Variants in KCNMA1 observed in about 807,000 individuals in gnomAD.
KCNMA1 encodes potassium calcium-activated channel subfamily M alpha 1.
KCNMA1 carries 29 observed loss-of-function variants against 140.0 expected under a neutral mutation model. That is an observed-to-expected ratio of 0.21 (90% CI 0.15 to 0.28). KCNMA1 has a LOEUF of 0.28. Ranked by LOEUF, KCNMA1 falls within the 10% of genes least tolerant of loss-of-function variation. KCNMA1 has a pLI of 1.00. For missense variants in KCNMA1, 880 were observed against 1,602.2 expected, an observed-to-expected ratio of 0.55 and a Z score of 7.70; for synonymous variants, 612 against 611.9, an observed-to-expected ratio of 1.00 and a Z score of 0.00.
intron 25 of KCNMA1, among the ~76,000 whole-genome samples, chr10:76,907,925 C>T (rs1008712398): frequency 3.3e-5 from 5 of 152,096 alleles, no homozygotes; most frequent in Non-Finnish European, 5.9e-5. Flanking sequence ...AATTATGTAG[C>T]CAGTCCTGCT....
chr10:77,529,422 G>C (rs1334818992), intron 1 of KCNMA1, among the ~76,000 whole-genome samples: 3 of 151,864 alleles, frequency 2.0e-5, no homozygotes, highest in African/African-American at 7.3e-5. Flanking sequence ...CCCTTGTTAA[G>C]ATCTCCTCCT....
At chr10:76,891,466 T>C (rs2040040641) in intron 26 of KCNMA1, 59 bp downstream of exon 26, 1 of 1,385,966 alleles carries the variant, frequency 7.2e-7, no homozygotes, top group East Asian at 2.3e-5. Flanking sequence ...TACCACGTTC[T>C]TCAGGATCAA....
rs180903163 is a variant in KCNMA1 at position 77,157,880 on chromosome 10, G to A, written c.808+25541C>T. ...TGAGCTCTGTCCTCTGGTCACCTGC[G>A]CCACCAACACCCTGACAAGGTCCTC... On this transcript the variant is annotated intron_variant, in intron 5 of 27. Coordinates refer to ENST00000286628, the MANE Select transcript of KCNMA1 (RefSeq NM_001161352.2). Among the ~76,000 whole-genome samples the A allele has an allele frequency of 2.4e-3, 363 of 152,260 alleles. 8 individuals carry two copies. The highest frequency in any genetic ancestry group is 0.022 in the Admixed American group (337 of 15,300).
chr10:77,533,793 A>C (rs999819701), intron 1 of KCNMA1, among the ~76,000 whole-genome samples: 2 of 152,222 alleles, frequency 1.3e-5, no homozygotes, highest in African/African-American at 4.8e-5. Context: ...CAGAAATATC[A>C]GAAGGATGAA....
At chr10:77,472,383 A>C (rs1567030744) in intron 1 of KCNMA1, among the ~76,000 whole-genome samples, 1 of 150,196 alleles carries the variant, frequency 6.7e-6, no homozygotes. Context: ...CACACACACT[A>C]TACAAACATC....
chr10:77,357,384 T>C (rs750275593), intron 2 of KCNMA1, among the ~76,000 whole-genome samples: 1 of 152,336 alleles, frequency 6.6e-6, no homozygotes, highest in Non-Finnish European at 1.5e-5. Context: ...TGGTAGAGAA[T>C]AACATAGTCA....
chr10:77,258,975 A>G (rs2061408456), intron 2 of KCNMA1, among the ~76,000 whole-genome samples: 1 of 151,544 alleles, frequency 6.6e-6, no homozygotes, highest in Non-Finnish European at 1.5e-5. Context: ...AAAAATATAT[A>G]TATAATATAT....
intron 5 of KCNMA1, among the ~76,000 whole-genome samples, chr10:77,141,241 T>G (rs1368543776): frequency 6.6e-6 from 1 of 152,154 alleles, no homozygotes; most frequent in Non-Finnish European, 1.5e-5. Context: ...TCCCATTGTT[T>G]TCAGCATCTT....
At chr10:77,118,413 C>T (rs1429177498) in intron 6 of KCNMA1, among the ~76,000 whole-genome samples, 2 of 152,230 alleles carry the variant, frequency 1.3e-5, no homozygotes, top group Non-Finnish European at 2.9e-5. Context: ...CCTAAAGCTT[C>T]TAGATTTCTT....
chr10:77,000,785 G>A lies in KCNMA1; in HGVS notation c.2266+622C>T, dbSNP rs148377992. 9.7e-3 allele frequency among the ~76,000 whole-genome samples: 1,424 copies of A among 147,050 alleles called. 21 individuals are homozygous for A. The highest frequency in any genetic ancestry group is 0.034 in the African/African-American group (1,342 of 39,716). ...GCAGGCTGACAGACATAGAAAACTC[G>A]TTTCCAGAACAAAAGACAAAATCTG... On this transcript the variant is annotated intron_variant, in intron 19 of 27. Transcript: ENST00000286628.
chr10:77,070,927 G>A (rs1275344377), intron 14 of KCNMA1, among the ~76,000 whole-genome samples: 2 of 152,204 alleles, frequency 1.3e-5, no homozygotes, highest in African/African-American at 4.8e-5. Flanking sequence ...ATGTACCTTA[G>A]CCAATTCCAA....
chr10:77,242,710 C>G (rs1031243200), intron 3 of KCNMA1, among the ~76,000 whole-genome samples: 2 of 151,988 alleles, frequency 1.3e-5, no homozygotes, highest in African/African-American at 4.8e-5. Context: ...TCAAAATTCC[C>G]CAGTACCTAG....
At chr10:77,515,424 CTGT>C (rs1567264532) in intron 1 of KCNMA1, among the ~76,000 whole-genome samples, 1 of 152,120 alleles carries the variant, frequency 6.6e-6, no homozygotes, top group Non-Finnish European at 1.5e-5. Context: ...CCAAACACAC[CTGT>C]AGACTGCCAG....
In KCNMA1 at chr10:77,631,172, G is replaced by C. The variant is rs1436180319; in HGVS notation, c.378+6093C>G. Among the ~76,000 whole-genome samples the C allele has an allele frequency of 2.0e-5, 3 of 151,454 alleles. No homozygotes were observed. The East Asian group carries it at 5.8e-4, about 29-fold the overall frequency. On this transcript the variant is annotated intron_variant, in intron 1 of 27. Transcript: ENST00000286628. Reference sequence around the variant, plus strand: ...CTAGAGACACTCTCCAGTCCTTGGAGATAAAGATGTGATATTCCCACTGAA... The same window carrying C: ...CTAGAGACACTCTCCAGTCCTTGGACATAAAGATGTGATATTCCCACTGAA...
At chr10:77,344,321 A>ACGGT (rs2091678087) in intron 2 of KCNMA1, among the ~76,000 whole-genome samples, 1 of 152,172 alleles carries the variant, frequency 6.6e-6, no homozygotes, top group African/African-American at 2.4e-5. Flanking sequence ...TTCCAAATGA[A>ACGGT]CGGTCCTTAA....
At chr10:77,078,287 G>T (rs1421827090) in intron 13 of KCNMA1, among the ~76,000 whole-genome samples, 1 of 152,148 alleles carries the variant, frequency 6.6e-6, no homozygotes, top group Non-Finnish European at 1.5e-5. Context: ...TTTCATTAAG[G>T]ACATAACTGG....
intron 19 of KCNMA1, among the ~76,000 whole-genome samples, chr10:76,985,680 A>G (rs531237915): frequency 1.3e-5 from 2 of 152,366 alleles, no homozygotes; most frequent in South Asian, 4.1e-4. Context: ...AAGGAACACA[A>G]TAAAAAGCAG....
chr10:76,942,283 G>A (rs2062712392), intron 23 of KCNMA1, among the ~76,000 whole-genome samples: 3 of 152,126 alleles, frequency 2.0e-5, no homozygotes, highest in Admixed American at 2.0e-4. Flanking sequence ...AAGGACACCA[G>A]TCCCATTCAT....
At chr10:77,126,202 G>A (rs943121912) in intron 5 of KCNMA1, among the ~76,000 whole-genome samples, 3 of 152,104 alleles carry the variant, frequency 2.0e-5, no homozygotes, top group African/African-American at 7.2e-5. Context: ...TAATAGAGTT[G>A]TGAAGAAGAA....
Sources: allele counts gnomAD v4.1 joint callset (sites outside exome capture counted in the v4.1 genomes callset), GRCh38; gene constraint gnomAD v4.1.1; transcripts MANE v1.5; gene names NCBI Gene and HGNC (gene_info 2026-07-23, HGNC 2026-07-21).